Variants in NFKB1 observed in about 807,000 individuals in gnomAD.
NFKB1 encodes nuclear factor NF-kappa-B p105 subunit.
Under a neutral mutation model 105.1 loss-of-function variants are expected in NFKB1, and 9 were observed. The observed-to-expected ratio is 0.09, with a 90% CI of 0.05 to 0.15. The LOEUF (loss-of-function observed/expected upper bound fraction) is 0.15. NFKB1 is among the 10% of genes least tolerant of loss of function. The probability of loss-of-function intolerance (pLI) is 1.00; values close to 1 mark genes in which losing one functional copy is unlikely to be tolerated. For missense variants in NFKB1, 830 were observed against 1,203.7 expected, an observed-to-expected ratio of 0.69 and a Z score of 4.59; for synonymous variants, 440 against 442.2, an observed-to-expected ratio of 1.00 and a Z score of 0.06.
intron 11 of NFKB1, among the ~76,000 whole-genome samples, chr4:102,587,185 C>T (rs879723532): frequency 1.3e-5 from 2 of 152,200 alleles, no homozygotes; most frequent in Admixed American, 1.3e-4. Flanking sequence ...CTCCTTACTT[C>T]CCTATCAGGA....
chr4:102,544,601 A>G (rs1306267630), intron 5 of NFKB1, among the ~76,000 whole-genome samples: 1 of 152,176 alleles, frequency 6.6e-6, no homozygotes, highest in Admixed American at 6.5e-5. Flanking sequence ...TGTAACCACA[A>G]TTGAGACTTA....
rs1018312152 is a variant in NFKB1 at position 102,600,881 on chromosome 4, T to C, written c.1638-14T>C. On this transcript the variant is annotated splice_polypyrimidine_tract_variant and intron_variant, in intron 15 of 23. Transcript: ENST00000226574. ...ACATTTTAGTTAATTATTGCCACTG[T>C]GTTTTCATTCCAGTGTCTTACACTT... 7.2e-7 allele frequency: 1 copy of C among 1,388,428 alleles called. No homozygotes were observed. The highest frequency in any genetic ancestry group is 1.7e-5 in the Admixed American group (1 of 58,502). 86.0% of individuals were successfully genotyped at this position (1,388,428 alleles called of 1,614,324 possible).
At chr4:102,524,145 A>G (rs1218044318) in intron 1 of NFKB1, among the ~76,000 whole-genome samples, 1 of 152,118 alleles carries the variant, frequency 6.6e-6, no homozygotes, top group African/African-American at 2.4e-5. Context: ...AAATTTAAAT[A>G]AAATTAACCT....
At chr4:102,517,999 G>A (rs1305314276) in intron 1 of NFKB1, among the ~76,000 whole-genome samples, 1 of 152,134 alleles carries the variant, frequency 6.6e-6, no homozygotes. Flanking sequence ...CTGCAGTGAG[G>A]GAGAACAGTA....
At position 102,606,659 on chromosome 4, in the gene NFKB1, A is replaced by G. The variant is rs1727763608; in HGVS notation, c.1916A>G (p.Lys639Arg). 6.2e-7 allele frequency: 1 copy of G among 1,614,216 alleles called. No individual in the cohort carries two copies. The highest frequency in any genetic ancestry group is 8.5e-7 in the Non-Finnish European group (1 of 1,180,038). The change falls in exon 17 of 24, where the codon AAA (lysine) becomes AGA (arginine). Residue 639 changes from lysine (K) to arginine (R), a missense_variant. By Grantham distance (26) the Lys-to-Arg change is conservative. Around this residue, in one of 8 missense-constraint regions of NFKB1, gnomAD observed 418 missense variants for 575.3 expected, o/e 0.73. Coordinates refer to ENST00000226574, the MANE Select transcript of NFKB1 (RefSeq NM_003998.4). ...DKVLSILLKHKKAALLLDHPN... is the reference protein window; with the variant it reads ...DKVLSILLKHRKAALLLDHPN... ...GTTCTCAGTATCTTACTCAAGCACA[A>G]AAAGGCAGCACTACTTCTTGACCAC...
At chr4:102,552,783 C>T (rs1453907203) in intron 5 of NFKB1, among the ~76,000 whole-genome samples, 1 of 151,900 alleles carries the variant, frequency 6.6e-6, no homozygotes, top group African/African-American at 2.4e-5. Flanking sequence ...GTTTTTTTTG[C>T]AGGTTTAAAG....
At chr4:102,561,127 A>G (rs182566073) in intron 5 of NFKB1, among the ~76,000 whole-genome samples, 29 of 152,296 alleles carry the variant, frequency 1.9e-4, no homozygotes, top group African/African-American at 6.5e-4. Context: ...ATTCTGTACT[A>G]TCTTATTTGG....
chr4:102,543,724 A>G (rs1230434819), intron 5 of NFKB1, among the ~76,000 whole-genome samples: 3 of 152,092 alleles, frequency 2.0e-5, no homozygotes, highest in Non-Finnish European at 4.4e-5. Flanking sequence ...GATATCACAT[A>G]TCCTTGCATA....
chr4:102,512,766 T>G (rs1739866559), intron 1 of NFKB1, among the ~76,000 whole-genome samples: 1 of 152,216 alleles, frequency 6.6e-6, no homozygotes, highest in African/African-American at 2.4e-5. Context: ...GCCTTCGCCG[T>G]GATTATTTCT....
intron 13 of NFKB1, 99 bp downstream of exon 13, chr4:102,595,080 T>C: frequency 1.4e-6 from 1 of 693,820 alleles, no homozygotes; most frequent in Non-Finnish European, 2.4e-6. Flanking sequence ...TATTATCATC[T>C]TGACAAATAA....
At chr4:102,543,497 G>A (rs1721881576) in intron 5 of NFKB1, among the ~76,000 whole-genome samples, 1 of 151,874 alleles carries the variant, frequency 6.6e-6, no homozygotes, top group African/African-American at 2.4e-5. Context: ...TCTGAAAGCT[G>A]GTTCTCACAT....
Position 102,503,073 on chromosome 4 carries a change from C to T in NFKB1, c.-8+1285C>T, listed in dbSNP as rs115788186. On this transcript the variant is annotated intron_variant, in intron 1 of 23. Transcript: ENST00000226574. ...TTTTCTGATTTTAATATTGTGCTTTCTAGAGATGAATCCTTTTACTGTTTG... is the reference window on the plus strand; with the variant it reads ...TTTTCTGATTTTAATATTGTGCTTTTTAGAGATGAATCCTTTTACTGTTTG... 6.6e-3 allele frequency among the ~76,000 whole-genome samples: 997 copies of T among 152,194 alleles called. 19 individuals are homozygous for T. Among genetic ancestry groups the T allele is most frequent in the African/African-American group, 0.023 (957 of 41,534 alleles).
At chr4:102,610,776 C>T (rs1286267790) in intron 20 of NFKB1, 77 bp downstream of exon 20, 2 of 1,521,868 alleles carry the variant, frequency 1.3e-6, no homozygotes, top group African/African-American at 2.8e-5. Context: ...AGATGGTCTT[C>T]CTGGTGCTTT....
chr4:102,603,363 G>A (rs111486007), intron 16 of NFKB1, among the ~76,000 whole-genome samples: 1,553 of 150,712 alleles, frequency 0.01, 31 homozygotes, highest in African/African-American at 0.035. Flanking sequence ...GAGCCACTGC[G>A]TCTGGCCAGT....
intron 1 of NFKB1, among the ~76,000 whole-genome samples, chr4:102,524,635 A>G (rs984313243): frequency 1.3e-5 from 2 of 152,192 alleles, no homozygotes; most frequent in African/African-American, 4.8e-5. Context: ...ACAACTCACC[A>G]TAATGTAGAA....
intron 6 of NFKB1, among the ~76,000 whole-genome samples, chr4:102,567,463 A>G (rs1355882043): frequency 6.6e-6 from 1 of 152,176 alleles, no homozygotes; most frequent in Admixed American, 6.5e-5. Context: ...TTTTTCTCCT[A>G]GAAATAAAAA....
intron 4 of NFKB1, among the ~76,000 whole-genome samples, chr4:102,536,972 G>T (rs1345937300): frequency 6.6e-6 from 1 of 152,140 alleles, no homozygotes; most frequent in East Asian, 1.9e-4. Flanking sequence ...TGATGATGAG[G>T]TCATAATTAT....
chr4:102,607,563 C>A lies in NFKB1; in HGVS notation c.2125-86C>A, dbSNP rs1301450639. The A allele has an allele frequency of 2.9e-6, 4 of 1,390,050 alleles. No homozygotes were observed. In the East Asian group the frequency reaches 9.2e-5, roughly 32 times the overall value. The allele number at this position is 1,390,050 out of a possible 1,614,324, so 86.1% of individuals were successfully genotyped here. A position where few individuals can be genotyped will look rare whatever the true frequency, so the allele number is the denominator to read the frequency against. ...AGTAGCAATTGGGCTAGTAATAGGACCCAAGGAGCCATGCACACTGGGAGG... is the reference window on the plus strand; with the variant it reads ...AGTAGCAATTGGGCTAGTAATAGGAACCAAGGAGCCATGCACACTGGGAGG... On this transcript the variant is annotated intron_variant, in intron 18 of 23. Coordinates refer to ENST00000226574, the MANE Select transcript of NFKB1 (RefSeq NM_003998.4).
intron 9 of NFKB1, among the ~76,000 whole-genome samples, chr4:102,581,886 A>C (rs1256844043): frequency 1.3e-5 from 2 of 152,232 alleles, no homozygotes; most frequent in Non-Finnish European, 2.9e-5. Flanking sequence ...GGTCCAGTGT[A>C]GTCCTACCTG....
Sources: allele counts gnomAD v4.1 joint callset (sites outside exome capture counted in the v4.1 genomes callset), GRCh38; gene constraint gnomAD v4.1.1; regional missense constraint gnomAD v4.1.1; transcripts MANE v1.5; gene names NCBI Gene and HGNC (gene_info 2026-07-23, HGNC 2026-07-21).